The following MRPL10 variants were observed in gnomAD, a reference collection of about 807,000 sequenced individuals.
MRPL10 encodes the protein mitochondrial ribosomal protein L10, also known as large ribosomal subunit protein uL10m.
A neutral mutation model predicts 19.8 loss-of-function variants in MRPL10; 14 were observed. That is an observed-to-expected ratio of 0.71 (90% confidence interval 0.47 to 1.11). The LOEUF is 1.11. Ranked by LOEUF, MRPL10 falls within the 50% of genes least tolerant of loss-of-function variation. MRPL10 has a pLI of 0.00. For synonymous variants in MRPL10, 129 were observed against 139.2 expected (o/e 0.93, Z 0.52); for missense variants, 318 against 339.6 (o/e 0.94, Z 0.50).
chr17:47,824,587 C>T (rs1447878734), intron 4 of MRPL10, 129 bp from the exon 5 acceptor site: 2 of 1,028,876 alleles, frequency 1.9e-6, no homozygotes, highest in Non-Finnish European at 2.7e-6. Flanking sequence ...ACCTGGGTTC[C>T]ACTGTGCCCC....
chr17:47,826,272 G>A (rs2033531561), intron 4 of MRPL10, among the ~76,000 whole-genome samples: 1 of 151,970 alleles, frequency 6.6e-6, no homozygotes, highest in African/African-American at 2.4e-5. Context: ...CATCAGGGGA[G>A]TCTGGGAAAC....
In MRPL10 at chr17:47,823,883, C is replaced by T; in HGVS notation, c.*322G>A. On this transcript the variant is annotated 3_prime_UTR_variant, in exon 5 of 5. Transcript: ENST00000351111. ...GCCCCAAGGGGGTGGGCTCAGGAGC[C>T]CGTGCAGCAAGAGGCAGTGACCAAG... 1 of 371,398 alleles carries T rather than the reference C, an allele frequency of 2.7e-6. No individual in the cohort carries two copies. 23.0% of individuals were successfully genotyped at this position (371,398 alleles called of 1,614,324 possible). A position where few individuals can be genotyped will look rare whatever the true frequency, so the allele number is the denominator to read the frequency against.
At chr17:47,831,172 G>C (rs955211639) in intron 1 of MRPL10, 2 of 671,298 alleles carry the variant, frequency 3.0e-6, no homozygotes, top group African/African-American at 3.8e-5. Flanking sequence ...ACGGGGCTAA[G>C]GAGTCAAGGG....
At chr17:47,831,259 G>T in intron 1 of MRPL10, 2 of 1,432,514 alleles carry the variant, frequency 1.4e-6, no homozygotes, top group Non-Finnish European at 1.9e-6. Context: ...AGTGGTCCAG[G>T]CAAAAGAAAC....
chr17:47,829,067 C>T (rs1224715307), intron 1 of MRPL10: 2 of 155,868 alleles, frequency 1.3e-5, no homozygotes, highest in African/African-American at 2.4e-5. Context: ...AGTTTGAGAC[C>T]AGCCTGGCCA....
chr17:47,824,527 C>T, intron 4 of MRPL10, 69 bp from the exon 5 acceptor site: 4 of 1,489,852 alleles, frequency 2.7e-6, no homozygotes, highest in African/African-American at 2.8e-5. Flanking sequence ...ATATTCTGAC[C>T]CTAGTAACTT....
chr17:47,831,350 G>C, intron 1 of MRPL10, 110 bp downstream of exon 1: 18 of 1,539,208 alleles, frequency 1.2e-5, no homozygotes, highest in Non-Finnish European at 1.6e-5. Flanking sequence ...AAGGAGGCCA[G>C]CGATCTAGCT....
chr17:47,830,233 A>G (rs17774171), intron 1 of MRPL10, among the ~76,000 whole-genome samples: 44,744 of 152,144 alleles, frequency 0.29, 8,053 homozygotes, highest in Non-Finnish European at 0.41. Context: ...CTGTTTACAG[A>G]TAATGCTACA....
chr17:47,826,296 C>T (rs1382163223), intron 4 of MRPL10, among the ~76,000 whole-genome samples: 1 of 152,056 alleles, frequency 6.6e-6, no homozygotes, highest in Admixed American at 6.6e-5. Context: ...GGTCACTGGC[C>T]CTCGGCACCC....
rs745607898 is a variant in MRPL10, at chr17:47,826,633, T to A, written c.532+4A>T. The A allele has an allele frequency of 1.2e-5, 19 of 1,613,042 alleles. No homozygotes were observed. The highest frequency in any genetic ancestry group is 1.6e-5 in the Non-Finnish European group (19 of 1,179,974). ...ACCCCTAACTGGCAGGGGTGCTTGC[T>A]CACCTAGCAGCGGCAGGAATGGCAC... On this transcript the variant is annotated splice_donor_region_variant and intron_variant, in intron 4 of 4. Coordinates refer to ENST00000351111, the MANE Select transcript of MRPL10 (RefSeq NM_145255.4).
intron 1 of MRPL10, among the ~76,000 whole-genome samples, chr17:47,831,034 T>C (rs1451049700): frequency 6.6e-6 from 1 of 152,232 alleles, no homozygotes; most frequent in African/African-American, 2.4e-5. Flanking sequence ...TAAACAAATA[T>C]CTACCGCACG....
At chr17:47,826,575 C>T (rs1467686431) in intron 4 of MRPL10, 62 bp downstream of exon 4, 10 of 1,596,656 alleles carry the variant, frequency 6.3e-6, no homozygotes, top group Non-Finnish European at 8.6e-6. Flanking sequence ...CCAAGACAAG[C>T]CTAGCAGATG....
chr17:47,827,042 G>C lies in MRPL10; in HGVS notation c.385C>G (p.Gln129Glu). The change falls in exon 3 of 5, where the codon CAG (glutamine) becomes GAG (glutamate). Residue 129 changes from glutamine (Q) to glutamate (E), a missense_variant and splice_region_variant. Transcript: ENST00000351111. ...HKILMKVFPN[Q>E]VLKPFLEDSK... The stretch of plus-strand genomic sequence containing the variant: ...ATGCCAAGGGGCCTGCTCCCTACCT[G>C]GTTGGGGAAGACCTTCATCAGGATC... The C allele has an allele frequency of 1.2e-6, 2 of 1,610,176 alleles. No homozygotes were observed. The highest frequency in any genetic ancestry group is 1.7e-6 in the Non-Finnish European group (2 of 1,177,822).
At chr17:47,828,445 A>T (rs987591848) in intron 2 of MRPL10, 56 bp downstream of exon 2, 7 of 1,271,644 alleles carry the variant, frequency 5.5e-6, no homozygotes, top group Non-Finnish European at 6.3e-6. Context: ...CAGAGACAAG[A>T]TTACTTTAAT....
At chr17:47,831,269 C>T (rs1239152477) in intron 1 of MRPL10, 191 bp downstream of exon 1, 9 of 1,469,108 alleles carry the variant, frequency 6.1e-6, no homozygotes, top group Admixed American at 4.6e-5. Context: ...GCAAAAGAAA[C>T]GCTGGAGACA....
At chr17:47,826,551 C>T (rs901337734) in intron 4 of MRPL10, 86 bp downstream of exon 4, 3 of 1,531,556 alleles carry the variant, frequency 2.0e-6, no homozygotes, top group Admixed American at 1.8e-5. Flanking sequence ...TCTCCAAGAA[C>T]GTTCACGGTT....
chr17:47,824,439 G>A lies in MRPL10; in HGVS notation c.552C>T (p.Thr184=), dbSNP rs1424242037. The A allele has an allele frequency of 1.3e-6, 2 of 1,547,612 alleles. No homozygotes were observed. Among genetic ancestry groups the A allele is most frequent in the African/African-American group, 1.4e-5 (1 of 72,936 alleles). The change falls in exon 5 of 5, where the codon ACC becomes ACT. Residue 184 remains threonine (T), a synonymous_variant. Transcript: ENST00000351111. ...LPLLGGCIDD[T]ILSRQGFINY... ...TGATAAAGCCCTGCCTGCTGAGGAT[G>A]GTGTCATCAATGCAGCCACCTGGAA...
intron 2 of MRPL10, 157 bp downstream of exon 2, chr17:47,828,344 T>G (rs2033568382): frequency 3.8e-6 from 2 of 522,238 alleles, no homozygotes. Flanking sequence ...CAGAATCAAG[T>G]GCGGATTTCA....
rs1450565586 is a variant in MRPL10, at chr17:47,827,085, G to A, written c.342C>T (p.His114=). 5 of 1,614,066 alleles carry A rather than the reference G, an allele frequency of 3.1e-6. 1 individual carries two copies. The Admixed American group carries it at 6.7e-5, about 22-fold the overall frequency. ...LSAEDKLLMR[H]QLRKHKILMK... ...TCAGGATCTTGTGTTTCCGCAGCTG[G>A]TGTCGCATAAGAAGCTTGTCCTCTG... The change falls in exon 3 of 5, where the codon CAC becomes CAT. Residue 114 remains histidine (H), a synonymous_variant. Coordinates refer to ENST00000351111, the MANE Select transcript of MRPL10 (RefSeq NM_145255.4).
Sources: allele counts gnomAD v4.1 joint callset (sites outside exome capture counted in the v4.1 genomes callset), GRCh38; gene constraint gnomAD v4.1.1; transcripts MANE v1.5; gene names NCBI Gene and HGNC (gene_info 2026-07-23, HGNC 2026-07-21).